HECW1: variants seen among roughly 807,000 people sequenced by gnomAD.
HECW1 encodes E3 ubiquitin-protein ligase HECW1.
In HECW1, 61 loss-of-function variants were observed where a neutral mutation model predicts 182.3. The ratio of observed to expected loss-of-function variants is 0.33; its 90% CI spans 0.27 to 0.41. HECW1 has a LOEUF of 0.41. Ranked by LOEUF, HECW1 falls within the 10% of genes least tolerant of loss-of-function variation. HECW1 has a pLI of 1.00. For synonymous variants in HECW1, 859 were observed against 832.6 expected (o/e 1.03, Z -0.55); for missense variants, 1,739 against 2,108.9 (o/e 0.82, Z 3.44).
chr7:43,175,436 C>T (rs935578507), intron 2 of HECW1, among the ~76,000 whole-genome samples: 6 of 152,180 alleles, frequency 3.9e-5, no homozygotes, highest in Admixed American at 2.6e-4. Flanking sequence ...TCCCAGCATA[C>T]AGGAAGGTTA....
intron 24 of HECW1, among the ~76,000 whole-genome samples, chr7:43,533,205 G>C (rs1397206560): frequency 6.6e-6 from 1 of 152,104 alleles, no homozygotes; most frequent in East Asian, 1.9e-4. Flanking sequence ...AACATCAACA[G>C]TGCTGAGGCT....
chr7:43,522,277 G>A (rs750916376), intron 24 of HECW1: 4 of 152,068 alleles, frequency 2.6e-5, no homozygotes, highest in Non-Finnish European at 1.5e-5. Flanking sequence ...GTTGGCAACT[G>A]AAGAACTTAC....
intron 2 of HECW1, among the ~76,000 whole-genome samples, chr7:43,231,611 T>C (rs1292695463): frequency 1.3e-5 from 2 of 152,062 alleles, no homozygotes; most frequent in Admixed American, 6.5e-5. Context: ...GGTGAAGATA[T>C]AGGAATTCAG....
chr7:43,382,353 T>C (rs562334684), intron 6 of HECW1, among the ~76,000 whole-genome samples: 2 of 151,886 alleles, frequency 1.3e-5, no homozygotes, highest in East Asian at 1.9e-4. Flanking sequence ...GAGGATGCGG[T>C]GAAGCAATGC....
intron 3 of HECW1, among the ~76,000 whole-genome samples, chr7:43,245,211 C>T (rs1220394949): frequency 6.6e-6 from 1 of 152,202 alleles, no homozygotes; most frequent in Non-Finnish European, 1.5e-5. Context: ...GCCACTTCCT[C>T]TGTACCATTT....
At chr7:43,265,683 G>T (rs146029826) in intron 3 of HECW1, among the ~76,000 whole-genome samples, 2 of 152,126 alleles carry the variant, frequency 1.3e-5, no homozygotes, top group East Asian at 3.9e-4. Flanking sequence ...ATCAATTCTG[G>T]CACTCACTCC....
intron 3 of HECW1, chr7:43,249,519 A>C (rs1799809438): frequency 6.6e-6 from 1 of 152,138 alleles, no homozygotes; most frequent in Non-Finnish European, 1.5e-5. Context: ...TCTTTTAAAC[A>C]TATTTTTTTC....
intron 3 of HECW1, among the ~76,000 whole-genome samples, chr7:43,301,798 C>T (rs1320653350): frequency 6.6e-6 from 1 of 151,708 alleles, no homozygotes; most frequent in African/African-American, 2.4e-5. Flanking sequence ...TCTCTTGAAC[C>T]CGGGAGGCAG....
intron 2 of HECW1, among the ~76,000 whole-genome samples, chr7:43,238,802 T>C (rs903312334): frequency 1.3e-5 from 2 of 152,220 alleles, no homozygotes; most frequent in South Asian, 4.2e-4. Flanking sequence ...TTCCCTCTAA[T>C]GTAAGAGGGT....
chr7:43,340,778 A>G (rs2152800004), intron 5 of HECW1, among the ~76,000 whole-genome samples: 1 of 151,864 alleles, frequency 6.6e-6, no homozygotes, highest in African/African-American at 2.4e-5. Flanking sequence ...AGAACTAGAA[A>G]TACCATTTGA....
intron 3 of HECW1, among the ~76,000 whole-genome samples, chr7:43,273,433 A>C (rs932088115): frequency 5.9e-5 from 9 of 152,212 alleles, no homozygotes; most frequent in African/African-American, 1.4e-4. Context: ...CCCTAATATA[A>C]ATTTCGTAAA....
chr7:43,404,945 C>T (rs1165899976), intron 7 of HECW1, among the ~76,000 whole-genome samples: 2 of 151,952 alleles, frequency 1.3e-5, no homozygotes, highest in South Asian at 2.1e-4. Flanking sequence ...CATTGCACTC[C>T]AGCCTGGGCA....
chr7:43,115,165 T>A (rs1483791138), intron 2 of HECW1, among the ~76,000 whole-genome samples: 2 of 152,190 alleles, frequency 1.3e-5, no homozygotes, highest in Non-Finnish European at 2.9e-5. Context: ...AGGCAAATAA[T>A]TATAACGTGA....
At chr7:43,227,344 T>C (rs1001648885) in intron 2 of HECW1, among the ~76,000 whole-genome samples, 1 of 152,192 alleles carries the variant, frequency 6.6e-6, no homozygotes, top group African/African-American at 2.4e-5. Flanking sequence ...TATCTAGTTA[T>C]TTGAATTAAT....
chr7:43,165,235 C>T (rs1458174685), intron 2 of HECW1, among the ~76,000 whole-genome samples: 1 of 152,170 alleles, frequency 6.6e-6, no homozygotes, highest in African/African-American at 2.4e-5. Context: ...TGTCAATTTC[C>T]CTTTTTCTTT....
At chr7:43,326,585 C>G (rs942521015) in intron 5 of HECW1, among the ~76,000 whole-genome samples, 2 of 152,232 alleles carry the variant, frequency 1.3e-5, no homozygotes, top group African/African-American at 2.4e-5. Flanking sequence ...CAACACCAGA[C>G]CCCCTGCCAT....
rs756010746 is a variant in HECW1 at position 43,196,904 on chromosome 7, CT to C, written c.-31-46970del. Among the ~76,000 whole-genome samples, 173 of 152,254 alleles carry C rather than the reference CT, an allele frequency of 1.1e-3. 2 individuals are homozygous for C. Among genetic ancestry groups the C allele is most frequent in the Non-Finnish European group, 1.6e-3 (106 of 68,026 alleles). On this transcript the variant is annotated intron_variant, in intron 2 of 29. Transcript: ENST00000395891. Reference sequence around the variant, plus strand: ...TTTTAAATTGAGTTTTATTTTCCCCCTGCCCTTGAGCCATTTTTTTAAGTAT... The same window carrying C: ...TTTTAAATTGAGTTTTATTTTCCCCCGCCCTTGAGCCATTTTTTTAAGTAT...
chr7:43,337,277 T>G (rs1812419198), intron 5 of HECW1, among the ~76,000 whole-genome samples: 3 of 152,250 alleles, frequency 2.0e-5, no homozygotes, highest in African/African-American at 7.2e-5. Flanking sequence ...AATTTGCATT[T>G]CTCTGATGAT....
rs748576231 is a variant in HECW1, at chr7:43,501,337, G to A, written c.3631+15G>A. 1 of 1,449,456 alleles carries A rather than the reference G, an allele frequency of 6.9e-7. No individual in the cohort carries two copies. The highest frequency in any genetic ancestry group is 1.2e-5 in the South Asian group (1 of 86,564). The allele number at this position is 1,449,456 out of a possible 1,614,324, so 89.8% of individuals were successfully genotyped here. A position where few individuals can be genotyped will look rare whatever the true frequency, so the allele number is the denominator to read the frequency against. Reference sequence around the variant, plus strand: ...GAACTCCCCAGGTAACAGGAATCTGGCCTAATAGCTCCTGTTAAGTGGCCA... The same window carrying A: ...GAACTCCCCAGGTAACAGGAATCTGACCTAATAGCTCCTGTTAAGTGGCCA... On this transcript the variant is annotated intron_variant, in intron 21 of 29. Coordinates refer to ENST00000395891, the MANE Select transcript of HECW1 (RefSeq NM_015052.5).
Sources: gnomAD v4.1 joint callset for allele counts (sites outside exome capture counted in the v4.1 genomes callset) on GRCh38, gnomAD v4.1.1 for gene constraint, MANE v1.5 for transcripts, NCBI Gene and HGNC (gene_info 2026-07-23, HGNC 2026-07-21) for gene names.